Variants in CTSH observed in about 807,000 individuals in gnomAD.
CTSH encodes cathepsin H.
Under a neutral mutation model 56.3 loss-of-function variants are expected in CTSH, and 52 were observed. That is an observed-to-expected ratio of 0.92 (90% CI 0.74 to 1.16). The LOEUF (loss-of-function observed/expected upper bound fraction) is 1.16. Ranked by LOEUF, CTSH falls within the 50% of genes most tolerant of loss-of-function variation. The probability of loss-of-function intolerance (pLI) is 0.00; values close to 1 mark genes in which losing one functional copy is unlikely to be tolerated. For synonymous variants in CTSH, 174 were observed against 155.7 expected, an observed-to-expected ratio of 1.12 and a Z score of -0.88; for missense variants, 406 against 424.5, an observed-to-expected ratio of 0.96 and a Z score of 0.38.
At chr15:78,937,650 G>A (rs145508218) in intron 2 of CTSH, 1 of 1,393,420 alleles carries the variant, frequency 7.2e-7, no homozygotes, top group African/African-American at 1.4e-5. Flanking sequence ...CTGCGTGAAA[G>A]TCAGAATGTG....
Position 78,927,703 on chromosome 15 carries a change from C to G in CTSH, c.699+10G>C, listed in dbSNP as rs749196999. The stretch of plus-strand genomic sequence containing the variant: ...CACATTCCCCATCCCAGAGGGGGAT[C>G]GGCACTCACGATTGTGATGTTGGCT... On this transcript the variant is annotated intron_variant, in intron 9 of 11. Coordinates refer to ENST00000220166, the MANE Select transcript of CTSH (RefSeq NM_004390.5). 1 of 1,612,662 alleles carries G rather than the reference C, an allele frequency of 6.2e-7. No homozygotes were observed. Among genetic ancestry groups the G allele is most frequent in the South Asian group, 1.1e-5 (1 of 91,052 alleles).
chr15:78,932,504 C>T (rs746276831), intron 5 of CTSH, 46 bp from the exon 6 acceptor site: 8 of 1,454,090 alleles, frequency 5.5e-6, no homozygotes, highest in South Asian at 2.3e-5. Context: ...ATGGGGACGC[C>T]GTGAGACAGC....
intron 5 of CTSH, 77 bp downstream of exon 5, chr15:78,934,901 T>A: frequency 1.1e-6 from 1 of 950,416 alleles, no homozygotes; most frequent in East Asian, 2.4e-5. Flanking sequence ...TTGTGGACCT[T>A]TTGAGTTGTT....
chr15:78,922,304 G>C, intron 11 of CTSH, 99 bp from the exon 12 acceptor site: 1 of 912,162 alleles, frequency 1.1e-6, no homozygotes, highest in South Asian at 1.4e-5. Flanking sequence ...TCAGGGGTGA[G>C]ACCCTCTAAA....
rs1567349276 is a variant in CTSH, at chr15:78,925,450, C to CA, written c.700-11dup. ...TCGCTTCCTCGTCATACTGTGGAAA[C>CA]AGGACCGAGACAGAAACACATGGCC... On this transcript the variant is annotated splice_polypyrimidine_tract_variant and intron_variant, in intron 9 of 11. Transcript: ENST00000220166. The CA allele has an allele frequency of 3.8e-6, 6 of 1,590,314 alleles. No homozygotes were observed. Among genetic ancestry groups the CA allele is most frequent in the Non-Finnish European group, 5.2e-6 (6 of 1,158,654 alleles).
At chr15:78,929,027 G>A (rs2054986452) in intron 8 of CTSH, among the ~76,000 whole-genome samples, 1 of 152,064 alleles carries the variant, frequency 6.6e-6, no homozygotes, top group African/African-American at 2.4e-5. Context: ...AGGGGTGGGG[G>A]TGGGCCCCCA....
At chr15:78,925,492 CT>C (rs773329305) in intron 9 of CTSH, 52 bp from the exon 10 acceptor site, 33 of 1,241,592 alleles carry the variant, frequency 2.7e-5, no homozygotes, top group Non-Finnish European at 3.3e-5. Flanking sequence ...CTCCCCACTC[CT>C]TTCACAGTAC....
At chr15:78,933,584 G>A (rs538268114) in intron 5 of CTSH, 4 of 452,698 alleles carry the variant, frequency 8.8e-6, no homozygotes, top group African/African-American at 4.0e-5. Flanking sequence ...GGCCTGGTGA[G>A]AGGGTCCATG....
intron 1 of CTSH, among the ~76,000 whole-genome samples, chr15:78,941,658 T>C (rs965948968): frequency 6.6e-6 from 1 of 151,676 alleles, no homozygotes; most frequent in African/African-American, 2.4e-5. Context: ...TAGCCGGGCG[T>C]GGTGGCGGGC....
Position 78,932,465 on chromosome 15 carries a change from A to G in CTSH, c.406-7T>C. 1.2e-6 allele frequency: 2 copies of G among 1,610,488 alleles called. No homozygotes were observed. Among genetic ancestry groups the G allele is most frequent in the Middle Eastern group, 1.7e-4 (1 of 5,974 alleles). ...AGCAACTGCCGCAGGCACCCTGGAA[A>G]GGCCAGGGGAGAGCAGAGGACATCA... On this transcript the variant is annotated splice_region_variant and splice_polypyrimidine_tract_variant and intron_variant, in intron 5 of 11. Transcript: ENST00000220166.
chr15:78,935,172 T>C, intron 4 of CTSH, 90 bp from the exon 5 acceptor site: 1 of 856,438 alleles, frequency 1.2e-6, no homozygotes, highest in Non-Finnish European at 1.9e-6. Flanking sequence ...AAACATGGAA[T>C]CACCAAGAGA....
chr15:78,938,189 C>T (rs769571296), intron 2 of CTSH, among the ~76,000 whole-genome samples: 4 of 152,032 alleles, frequency 2.6e-5, no homozygotes, highest in South Asian at 2.1e-4. Flanking sequence ...GCCAACATGG[C>T]GAACCCCCAT....
intron 3 of CTSH, among the ~76,000 whole-genome samples, chr15:78,936,275 G>C (rs980077267): frequency 1.3e-5 from 2 of 149,452 alleles, no homozygotes; most frequent in Non-Finnish European, 3.0e-5. Context: ...TCTGCCTCCC[G>C]GATTCAAGCG....
intron 9 of CTSH, chr15:78,925,699 A>G (rs2054889736): frequency 2.5e-6 from 1 of 392,676 alleles, no homozygotes; most frequent in African/African-American, 2.1e-5. Flanking sequence ...GGACCTACTC[A>G]TTCAGTCATT....
chr15:78,930,534 GAAAA>G (rs1299046913), intron 7 of CTSH, among the ~76,000 whole-genome samples: 1,530 of 135,938 alleles, frequency 0.011, 27 homozygotes, highest in African/African-American at 0.044. Flanking sequence ...CTCAAAAAAA[GAAAA>G]AATAAATAAA....
chr15:78,941,169 G>A (rs568130282), intron 1 of CTSH, among the ~76,000 whole-genome samples: 1 of 152,164 alleles, frequency 6.6e-6, no homozygotes, highest in African/African-American at 2.4e-5. Flanking sequence ...GCTCATGCCT[G>A]TAATCCCAGC....
chr15:78,924,545 G>T (rs2054859483), intron 10 of CTSH, among the ~76,000 whole-genome samples: 2 of 152,184 alleles, frequency 1.3e-5, no homozygotes, highest in East Asian at 1.9e-4. Context: ...AGGCGAAAAG[G>T]TGTGGGTGAG....
chr15:78,925,313 G>A (rs777816322), intron 10 of CTSH, 21 bp downstream of exon 10: 1 of 1,511,140 alleles, frequency 6.6e-7, no homozygotes, highest in African/African-American at 1.4e-5. Flanking sequence ...GTCCCTCCTG[G>A]CTCCTGGGAC....
intron 9 of CTSH, 171 bp downstream of exon 9, chr15:78,927,542 T>C: frequency 3.3e-6 from 2 of 613,912 alleles, no homozygotes; most frequent in East Asian, 5.6e-5. Flanking sequence ...CTCCCTCCCA[T>C]CTCCTGCCTC....
Sources: gnomAD v4.1 joint callset for allele counts (sites outside exome capture counted in the v4.1 genomes callset) on GRCh38, gnomAD v4.1.1 for gene constraint, MANE v1.5 for transcripts, NCBI Gene and HGNC (gene_info 2026-07-23, HGNC 2026-07-21) for gene names.